Variants in ANTXR2 observed in about 807,000 individuals in gnomAD.
The protein encoded by ANTXR2 is ANTXR cell adhesion molecule 2.
In ANTXR2, 44 loss-of-function variants were observed where a neutral mutation model predicts 73.7. That is an observed-to-expected ratio of 0.60 (90% CI 0.47 to 0.77). The LOEUF (loss-of-function observed/expected upper bound fraction) is 0.77, where lower values mean the gene tolerates loss of function less well. ANTXR2 is among the 30% of genes least tolerant of loss of function. ANTXR2 has a pLI of 0.00. For synonymous variants in ANTXR2, 217 were observed against 205.9 expected (o/e 1.05, Z -0.46); for missense variants, 604 against 592.5 (o/e 1.02, Z -0.20).
intron 12 of ANTXR2, among the ~76,000 whole-genome samples, chr4:79,987,114 T>A (rs7686031): frequency 6.6e-6 from 1 of 151,906 alleles, no homozygotes; most frequent in Non-Finnish European, 1.5e-5. Flanking sequence ...CCACAAACTA[T>A]CTCAATAACT....
intron 12 of ANTXR2, among the ~76,000 whole-genome samples, chr4:79,999,715 C>A (rs765027937): frequency 6.6e-6 from 1 of 151,892 alleles, no homozygotes; most frequent in Non-Finnish European, 1.5e-5. Context: ...TAGAAACTAT[C>A]ATAATTTTAA....
Position 79,907,354 on chromosome 4 carries a change from T to G in ANTXR2, c.*75A>C. The G allele has an allele frequency of 6.6e-7, 1 of 1,507,038 alleles. No homozygotes were observed. Among genetic ancestry groups the G allele is most frequent in the South Asian group, 1.2e-5 (1 of 86,040 alleles). The allele number at this position is 1,507,038 out of a possible 1,614,324, so 93.4% of individuals were successfully genotyped here. ...CAAAAGCTTCTGAAATGCACTTGAT[T>G]TTTTTCATTTGGTTGAAAATCAGCT... On this transcript the variant is annotated 3_prime_UTR_variant, in exon 17 of 17. Transcript: ENST00000403729.
chr4:79,918,446 T>A (rs545936968), intron 16 of ANTXR2, among the ~76,000 whole-genome samples: 1 of 149,730 alleles, frequency 6.7e-6, no homozygotes, highest in Non-Finnish European at 1.5e-5. Context: ...AAAGCATAAC[T>A]CTTTCCCCTT....
intron 3 of ANTXR2, among the ~76,000 whole-genome samples, chr4:80,066,603 C>T (rs1049188575): frequency 6.6e-6 from 1 of 152,110 alleles, no homozygotes; most frequent in African/African-American, 2.4e-5. Flanking sequence ...TGTATACTGC[C>T]TAGCTCCAGA....
Position 80,002,554 on chromosome 4 carries a change from A to G in ANTXR2, c.1041+5967T>C, listed in dbSNP as rs1731097625. On this transcript the variant is annotated intron_variant, in intron 12 of 16. Coordinates refer to ENST00000403729, the MANE Select transcript of ANTXR2 (RefSeq NM_058172.6). ...GCAATGGCAACAAAAGCCAAAATTG[A>G]CAAACGGGATCTAATTAAACTAAAG... Among the ~76,000 whole-genome samples the G allele has an allele frequency of 4.6e-5, 7 of 152,274 alleles. No individual in the cohort carries two copies. The South Asian group carries it at 1.4e-3, about 32-fold the overall frequency.
intron 7 of ANTXR2, among the ~76,000 whole-genome samples, chr4:80,038,977 A>C (rs1733108795): frequency 6.6e-6 from 1 of 152,118 alleles, no homozygotes; most frequent in Non-Finnish European, 1.5e-5. Context: ...AGGGCCTTAC[A>C]CATTGTTTTG....
At chr4:80,041,876 C>G (rs1037406102) in intron 7 of ANTXR2, among the ~76,000 whole-genome samples, 1 of 152,020 alleles carries the variant, frequency 6.6e-6, no homozygotes, top group Non-Finnish European at 1.5e-5. Flanking sequence ...CATTGATGGG[C>G]AACTGGGTTG....
chr4:80,018,916 A>T lies in ANTXR2; in HGVS notation c.927T>A (p.Ile309=), dbSNP rs1042052566. The T allele has an allele frequency of 6.6e-7, 1 of 1,523,274 alleles. No homozygotes were observed. Among genetic ancestry groups the T allele is most frequent in the Non-Finnish European group, 8.8e-7 (1 of 1,137,760 alleles). The allele number at this position is 1,523,274 out of a possible 1,614,324, so 94.4% of individuals were successfully genotyped here. The change falls in exon 11 of 17, where the codon ATT becomes ATA. Residue 309 remains isoleucine (I), a synonymous_variant. Coordinates refer to ENST00000403729, the MANE Select transcript of ANTXR2 (RefSeq NM_058172.6). ...TACTTACACATTCTGTGGCTGTGACAATTAATGATCCTGAAATGACAGATT... is the reference window on the plus strand; with the variant it reads ...TACTTACACATTCTGTGGCTGTGACTATTAATGATCCTGAAATGACAGATT... ...GGKSVISGSL[I]VTATECSNGI...
intron 12 of ANTXR2, among the ~76,000 whole-genome samples, chr4:79,991,677 A>G (rs1281289798): frequency 1.3e-5 from 2 of 152,112 alleles, no homozygotes; most frequent in Non-Finnish European, 2.9e-5. Flanking sequence ...ACTATTCACA[A>G]TAGCAAAGAC....
chr4:79,923,241 T>C (rs897068257), intron 16 of ANTXR2, among the ~76,000 whole-genome samples: 1 of 152,100 alleles, frequency 6.6e-6, no homozygotes, highest in Non-Finnish European at 1.5e-5. Context: ...TAGCAAGCCA[T>C]AAAACAAAAT....
Position 79,978,108 on chromosome 4 carries a change from C to T in ANTXR2, c.1246G>A (p.Val416Met), listed in dbSNP as rs1729719590. The change falls in exon 15 of 17, where the codon GTG becomes ATG. Residue 416 changes from valine (V) to methionine (M), a missense_variant. By Grantham distance (21) the Val-to-Met change is conservative. Transcript: ENST00000403729. ...ARLEKAKNAV[V>M]KIPEETEEPI... The stretch of plus-strand genomic sequence containing the variant: ...TCCTCTGTTTCTTCAGGAATCTTCA[C>T]CACAGCATTTTTGGCTTTCTCTAGC... 6.2e-7 allele frequency: 1 copy of T among 1,613,860 alleles called. No homozygotes were observed. Among genetic ancestry groups the T allele is most frequent in the Non-Finnish European group, 8.5e-7 (1 of 1,179,852 alleles).
At chr4:80,011,336 A>G (rs1731576604) in intron 11 of ANTXR2, among the ~76,000 whole-genome samples, 1 of 151,630 alleles carries the variant, frequency 6.6e-6, no homozygotes, top group Non-Finnish European at 1.5e-5. Context: ...CTATCTATCT[A>G]TCTATCTGTC....
chr4:79,947,120 G>T (rs892551544), intron 16 of ANTXR2, among the ~76,000 whole-genome samples: 1 of 152,134 alleles, frequency 6.6e-6, no homozygotes, highest in Non-Finnish European at 1.5e-5. Flanking sequence ...AGGGCATTAA[G>T]ATAAGCTACT....
chr4:80,060,887 G>A (rs1367189509), intron 3 of ANTXR2, among the ~76,000 whole-genome samples: 1 of 152,148 alleles, frequency 6.6e-6, no homozygotes, highest in East Asian at 1.9e-4. Flanking sequence ...ATGGCACTGT[G>A]CATTGAATGA....
At chr4:79,991,518 G>A (rs560673485) in intron 12 of ANTXR2, among the ~76,000 whole-genome samples, 52 of 152,256 alleles carry the variant, frequency 3.4e-4, no homozygotes, top group African/African-American at 1.2e-3. Flanking sequence ...ATATAAATTA[G>A]TTCAGCCATT....
intron 11 of ANTXR2, among the ~76,000 whole-genome samples, chr4:80,015,918 AAGGAAAAAGGAAAGG>A (rs1731834027): frequency 3.8e-4 from 23 of 61,136 alleles, no homozygotes; most frequent in Admixed American, 4.0e-4. Context: ...AAGGAAAGGA[AAGGAAAAAGGAAAGG>A]AAAGGAAAGG....
Position 79,903,499 on chromosome 4 carries a change from C to T in ANTXR2, c.*3930G>A, listed in dbSNP as rs1726794378. The T allele has an allele frequency of 6.6e-6, 1 of 151,938 alleles. No homozygotes were observed. The highest frequency in any genetic ancestry group is 1.5e-5 in the Non-Finnish European group (1 of 67,998). 9.4% of individuals were successfully genotyped at this position (151,938 alleles called of 1,614,324 possible). ...AGCCTTTTCTTTTGGCAGGAGAGCACAAAAATAAAATACATTAAAAAACCA... is the reference window on the plus strand; with the variant it reads ...AGCCTTTTCTTTTGGCAGGAGAGCATAAAAATAAAATACATTAAAAAACCA... On this transcript the variant is annotated 3_prime_UTR_variant, in exon 17 of 17. Transcript: ENST00000403729.
At chr4:79,976,212 C>G (rs1729625988) in intron 16 of ANTXR2, among the ~76,000 whole-genome samples, 1 of 151,946 alleles carries the variant, frequency 6.6e-6, no homozygotes, top group South Asian at 2.1e-4. Context: ...GCGCCCGGCC[C>G]TCAAATCGCA....
chr4:80,011,305 A>G (rs200431751), intron 11 of ANTXR2, among the ~76,000 whole-genome samples: 5 of 104,014 alleles, frequency 4.8e-5, no homozygotes, highest in Non-Finnish European at 9.8e-5. Flanking sequence ...CTATCTATCT[A>G]TCTATCTATC....
Sources: allele counts gnomAD v4.1 joint callset (sites outside exome capture counted in the v4.1 genomes callset), GRCh38; gene constraint gnomAD v4.1.1; transcripts MANE v1.5; gene names NCBI Gene and HGNC (gene_info 2026-07-23, HGNC 2026-07-21).